Variants in GNB1L observed in about 807,000 individuals in gnomAD.
The protein encoded by GNB1L is guanine nucleotide-binding protein subunit beta-like protein 1.
In GNB1L, 20 loss-of-function variants were observed where a neutral mutation model predicts 29.1. The ratio of observed to expected loss-of-function variants is 0.69; its 90% CI spans 0.48 to 1.00. The LOEUF is 1.00. Among genes scored for constraint, GNB1L ranks in the 50% least tolerant of loss-of-function variants. The pLI is 0.00. For synonymous variants in GNB1L, 193 were observed against 206.5 expected (o/e 0.93, Z 0.56); for missense variants, 421 against 464.9 (o/e 0.91, Z 0.87).
chr22:19,797,929 T>G (rs1435322985), intron 7 of GNB1L, among the ~76,000 whole-genome samples: 6 of 151,988 alleles, frequency 3.9e-5, no homozygotes, highest in African/African-American at 1.4e-4. Flanking sequence ...TCTACCTCTC[T>G]TGCCTGGCAG....
intron 2 of GNB1L, chr22:19,847,715 G>T: frequency 1.0e-6 from 1 of 978,056 alleles, no homozygotes; most frequent in Non-Finnish European, 1.2e-6. Context: ...ATATTATTGT[G>T]TATTCCCACC....
At chr22:19,810,798 A>G (rs1054729481) in intron 5 of GNB1L, among the ~76,000 whole-genome samples, 3 of 152,202 alleles carry the variant, frequency 2.0e-5, no homozygotes, top group Non-Finnish European at 4.4e-5. Context: ...GGAATGTGGA[A>G]AGCAACTGTT....
rs1441627728 is a variant in GNB1L, at chr22:19,806,885, C to A, written c.418-128G>T. Reference sequence around the variant, plus strand: ...CTGTCTGCTCCCCTCCCCGTGGGCACCTGGGAGCCCAGGCTCCTAATTAGG... The same window carrying A: ...CTGTCTGCTCCCCTCCCCGTGGGCAACTGGGAGCCCAGGCTCCTAATTAGG... On this transcript the variant is annotated intron_variant, in intron 5 of 7. Transcript: ENST00000329517. The A allele has an allele frequency of 1.2e-5, 9 of 740,484 alleles. No individual in the cohort carries two copies. In the East Asian group the frequency reaches 2.4e-4, roughly 20 times the overall value. 45.9% of individuals were successfully genotyped at this position (740,484 alleles called of 1,614,324 possible).
intron 2 of GNB1L, chr22:19,851,377 T>C: frequency 6.2e-7 from 1 of 1,614,118 alleles, no homozygotes; most frequent in African/African-American, 1.3e-5. Context: ...GTGTGGGGGC[T>C]GCCTCCTCTG....
intron 2 of GNB1L, chr22:19,851,778 G>C (rs368961068): frequency 1.9e-6 from 3 of 1,613,438 alleles, no homozygotes; most frequent in African/African-American, 2.7e-5. Flanking sequence ...GGCAGGGGCA[G>C]GTCCCCATCA....
intron 7 of GNB1L, among the ~76,000 whole-genome samples, chr22:19,795,995 G>GT (rs150571939): frequency 0.034 from 5,179 of 152,332 alleles, 314 homozygotes; most frequent in African/African-American, 0.12. Context: ...AATCATCGAT[G>GT]TGAGAACTGG....
intron 6 of GNB1L, among the ~76,000 whole-genome samples, chr22:19,803,905 G>T (rs1251409235): frequency 4.6e-5 from 7 of 152,272 alleles, no homozygotes; most frequent in Non-Finnish European, 1.0e-4. Flanking sequence ...AGCTGAGACT[G>T]CCTGGGGCTG....
intron 7 of GNB1L, among the ~76,000 whole-genome samples, chr22:19,793,735 G>A (rs1473758543): frequency 6.6e-6 from 1 of 152,188 alleles, no homozygotes; most frequent in Non-Finnish European, 1.5e-5. Context: ...CAGAAACAAT[G>A]TAACAACATC....
chr22:19,834,428 A>G (rs1413636045), intron 2 of GNB1L, among the ~76,000 whole-genome samples: 1 of 152,240 alleles, frequency 6.6e-6, no homozygotes, highest in Non-Finnish European at 1.5e-5. Flanking sequence ...GATACCAGAA[A>G]GACATGTGGA....
intron 5 of GNB1L, among the ~76,000 whole-genome samples, chr22:19,808,404 TAC>T (rs1377536905): frequency 6.6e-6 from 1 of 152,100 alleles, no homozygotes; most frequent in African/African-American, 2.4e-5. Flanking sequence ...GAGAGGTGAT[TAC>T]AGTCAGGAAC....
chr22:19,821,111 TGGCG>T lies in GNB1L; in HGVS notation c.128+113_128+116del, dbSNP rs765074010. ...GTGCTGAAAGCTCAGCAAGCCTGGG[TGGCG>T]AGCAGTCCATGCCCCTTGGCCAGCA... On this transcript the variant is annotated intron_variant, in intron 3 of 7. Coordinates refer to ENST00000329517, the MANE Select transcript of GNB1L (RefSeq NM_053004.3). 223 of 989,954 alleles carry T rather than the reference TGGCG, an allele frequency of 2.3e-4. 1 individual carries two copies. Among genetic ancestry groups the T allele is most frequent in the Non-Finnish European group, 3.0e-4 (197 of 665,054 alleles). The allele number at this position is 989,954 out of a possible 1,614,324, so 61.3% of individuals were successfully genotyped here. A position where few individuals can be genotyped will look rare whatever the true frequency, so the allele number is the denominator to read the frequency against.
At chr22:19,802,428 C>T (rs1009303022) in intron 6 of GNB1L, among the ~76,000 whole-genome samples, 1 of 152,204 alleles carries the variant, frequency 6.6e-6, no homozygotes, top group African/African-American at 2.4e-5. Context: ...GGGACTGGCA[C>T]GGCTGCCCTT....
chr22:19,792,258 T>C (rs1937260041), intron 7 of GNB1L: 4 of 642,472 alleles, frequency 6.2e-6, no homozygotes, highest in Non-Finnish European at 1.1e-5. Flanking sequence ...TTAACTATGT[T>C]CAAAAAATGA....
intron 5 of GNB1L, among the ~76,000 whole-genome samples, chr22:19,810,176 G>A (rs1937482480): frequency 6.6e-6 from 1 of 152,260 alleles, no homozygotes; most frequent in Non-Finnish European, 1.5e-5. Context: ...GGCAGGAGGA[G>A]CCGCCCTGAG....
rs149333858 is a variant in GNB1L, at chr22:19,836,025, C to T, written c.-20-14650G>A. On this transcript the variant is annotated intron_variant, in intron 2 of 7. Coordinates refer to ENST00000329517, the MANE Select transcript of GNB1L (RefSeq NM_053004.3). ...TAACAGAAAAAGAGGACAAAGTAAG[C>T]CCAAAACAAGCACAAGGAAGGAAAT... Among the ~76,000 whole-genome samples, 237 of 151,948 alleles carry T rather than the reference C, an allele frequency of 1.6e-3. 2 individuals carry two copies. The highest frequency in any genetic ancestry group is 5.5e-3 in the African/African-American group (228 of 41,436).
chr22:19,818,050 A>G (rs1937546335), intron 4 of GNB1L, among the ~76,000 whole-genome samples: 2 of 152,238 alleles, frequency 1.3e-5, no homozygotes, highest in Admixed American at 1.3e-4. Context: ...AGCTGAGCAC[A>G]GGCCGGGTGG....
intron 5 of GNB1L, among the ~76,000 whole-genome samples, chr22:19,808,014 T>C (rs1462656947): frequency 6.6e-6 from 1 of 152,206 alleles, no homozygotes; most frequent in Non-Finnish European, 1.5e-5. Context: ...GCCACGGCGC[T>C]TCTTGTGCAG....
chr22:19,818,366 T>C (rs1350479838), intron 4 of GNB1L, among the ~76,000 whole-genome samples: 1 of 152,120 alleles, frequency 6.6e-6, no homozygotes, highest in Non-Finnish European at 1.5e-5. Flanking sequence ...CATGGCCTGG[T>C]GGGGTTCTAG....
chr22:19,791,074 A>C (rs1333658549), intron 7 of GNB1L, among the ~76,000 whole-genome samples: 3 of 152,238 alleles, frequency 2.0e-5, no homozygotes, highest in Non-Finnish European at 4.4e-5. Flanking sequence ...TTACAAAAAA[A>C]ATTTTTTAAT....
Sources: allele counts gnomAD v4.1 joint callset (sites outside exome capture counted in the v4.1 genomes callset), GRCh38; gene constraint gnomAD v4.1.1; transcripts MANE v1.5; gene names NCBI Gene and HGNC (gene_info 2026-07-23, HGNC 2026-07-21).